The following GLCCI1 variants were observed in gnomAD, a reference collection of about 807,000 sequenced individuals.
GLCCI1 encodes the protein glucocorticoid-induced transcript 1 protein.
GLCCI1 carries 24 observed loss-of-function variants against 52.2 expected under a neutral mutation model. The ratio of observed to expected loss-of-function variants is 0.46; its 90% confidence interval spans 0.33 to 0.65. The LOEUF is 0.65. GLCCI1 is among the 30% of genes least tolerant of loss of function. The pLI, the probability that GLCCI1 is intolerant of heterozygous loss-of-function variation, is 0.02. For synonymous variants in GLCCI1, 310 were observed against 276.5 expected, an observed-to-expected ratio of 1.12 and a Z score of -1.20; for missense variants, 704 against 701.5, an observed-to-expected ratio of 1.00 and a Z score of -0.04.
Position 7,969,711 on chromosome 7 carries a change from G to A in GLCCI1, c.361G>A (p.Ala121Thr). The A allele has an allele frequency of 2.3e-6, 3 of 1,327,818 alleles. No homozygotes were observed. The highest frequency in any genetic ancestry group is 2.9e-6 in the Non-Finnish European group (3 of 1,034,226). The allele number at this position is 1,327,818 out of a possible 1,614,324, so 82.3% of individuals were successfully genotyped here. ...PPAAAAPAEQ[A>T]PRAKGRPRRS... ...GGCGGCCGCAGCCCCGGCCGAGCAG[G>A]CGCCGCGGGCCAAGGGCCGCCCGAG... The change falls in exon 1 of 8, where the codon GCG (alanine) becomes ACG (threonine). Residue 121 changes from alanine (A) to threonine (T), a missense_variant. By Grantham distance (58) the Ala-to-Thr change is moderately conservative (BLOSUM62 0). Transcript: ENST00000223145. This position sits in a 1 kb window ranked among gnomAD's most constrained non-coding sequence, Gnocchi z 4.9.
chr7:8,040,525 AACACACACACACACAC>A (rs58561376), intron 3 of GLCCI1, among the ~76,000 whole-genome samples: 4 of 145,210 alleles, frequency 2.8e-5, no homozygotes, highest in East Asian at 4.1e-4. Flanking sequence ...AGATATAATT[AACACACACACACACAC>A]ACACACACAC....
In GLCCI1 at chr7:8,067,660, G is replaced by T. The variant is rs190768208; in HGVS notation, c.967-3261G>T. Among the ~76,000 whole-genome samples the T allele has an allele frequency of 2.1e-3, 318 of 152,186 alleles. 1 individual carries two copies. Among genetic ancestry groups the T allele is most frequent in the African/African-American group, 7.3e-3 (305 of 41,528 alleles). On this transcript the variant is annotated intron_variant, in intron 5 of 7. Coordinates refer to ENST00000223145, the MANE Select transcript of GLCCI1 (RefSeq NM_138426.4). Reference sequence around the variant, plus strand: ...TAGTTTGACTAGATAGCCACTTCTCGCTTGGAATAGGCTCCAATCTCTTTT... The same window carrying T: ...TAGTTTGACTAGATAGCCACTTCTCTCTTGGAATAGGCTCCAATCTCTTTT...
At chr7:7,996,697 C>A (rs1487588198) in intron 1 of GLCCI1, among the ~76,000 whole-genome samples, 2 of 152,142 alleles carry the variant, frequency 1.3e-5, no homozygotes, top group Non-Finnish European at 2.9e-5. Context: ...TCCTGATGGA[C>A]CTCAGGTTAC....
In GLCCI1 at chr7:8,070,927, G is replaced by A; in HGVS notation, c.973G>A (p.Asp325Asn). ...AATGGTATTCCTCTTACAGCCGTTG[G>A]ACATACCAGATGGTCGAAGAGCTCC... ...NGKEEVSKPL[D>N]IPDGRRAPLP... Residue 325 changes from aspartate (D) to asparagine (N), a missense_variant, in exon 6 of 8, where the codon GAC (aspartate) becomes AAC (asparagine). Transcript: ENST00000223145. The A allele has an allele frequency of 2.5e-6, 4 of 1,613,958 alleles. No homozygotes were observed. The highest frequency in any genetic ancestry group is 3.4e-6 in the Non-Finnish European group (4 of 1,179,896).
At chr7:8,040,525 A>AACACACACACACACACACACAC (rs58561376) in intron 3 of GLCCI1, among the ~76,000 whole-genome samples, 1 of 145,324 alleles carries the variant, frequency 6.9e-6, no homozygotes, top group East Asian at 2.1e-4. Context: ...AGATATAATT[A>AACACACACACACACACACACAC]ACACACACAC....
intron 3 of GLCCI1, among the ~76,000 whole-genome samples, chr7:8,044,410 C>A (rs1442154025): frequency 6.7e-6 from 1 of 150,150 alleles, no homozygotes; most frequent in African/African-American, 2.5e-5. Context: ...TGCCCTGTCA[C>A]CAGGCTGGAG....
At chr7:8,029,868 A>G (rs1021355596) in intron 3 of GLCCI1, among the ~76,000 whole-genome samples, 2 of 152,154 alleles carry the variant, frequency 1.3e-5, no homozygotes, top group African/African-American at 4.8e-5. Context: ...TCTACAATGA[A>G]AAGTATGAAA....
At chr7:8,020,141 G>A (rs572716335) in intron 2 of GLCCI1, among the ~76,000 whole-genome samples, 2 of 152,028 alleles carry the variant, frequency 1.3e-5, no homozygotes, top group East Asian at 3.9e-4. Flanking sequence ...TTCTTATTCT[G>A]TAAGCTTTTA....
rs200403498 is a variant in GLCCI1 at position 7,985,770 on chromosome 7, T to A, written c.457+15963T>A. Among the ~76,000 whole-genome samples, 3 of 152,250 alleles carry A rather than the reference T, an allele frequency of 2.0e-5. No homozygotes were observed. The East Asian group carries it at 5.8e-4, about 29-fold the overall frequency. On this transcript the variant is annotated intron_variant, in intron 1 of 7. Transcript: ENST00000223145. ...TTAGATATAAATCCTTTCTTCTGAA[T>A]CATATAATATAGTTTTAGAATGGCA...
At chr7:7,988,748 A>G (rs887821081) in intron 1 of GLCCI1, among the ~76,000 whole-genome samples, 6 of 152,178 alleles carry the variant, frequency 3.9e-5, no homozygotes, top group Non-Finnish European at 8.8e-5. Flanking sequence ...TTAGACAAAT[A>G]GAGTTATTAA....
Position 7,996,128 on chromosome 7 carries a change from A to G in GLCCI1, c.458-7780A>G, listed in dbSNP as rs547359848. ...GTGAAATATTGTTTTCTGAGTAGGA[A>G]TATTTGTGTTCCTTTTGCTTACAAT... is the stretch of plus-strand genomic sequence containing the variant. On this transcript the variant is annotated intron_variant, in intron 1 of 7. Coordinates refer to ENST00000223145, the MANE Select transcript of GLCCI1 (RefSeq NM_138426.4). 2.6e-5 allele frequency among the ~76,000 whole-genome samples: 4 copies of G among 152,242 alleles called. No individual in the cohort carries two copies. In the South Asian group the frequency reaches 8.3e-4, roughly 32 times the overall value.
chr7:8,033,641 A>G (rs1288193516), intron 3 of GLCCI1, among the ~76,000 whole-genome samples: 3 of 152,276 alleles, frequency 2.0e-5, no homozygotes, highest in Admixed American at 2.0e-4. Context: ...ATTTATTCAC[A>G]GTTGCATCAA....
Position 8,003,807 on chromosome 7 carries a change from A to G in GLCCI1, c.458-101A>G, listed in dbSNP as rs1781093165. The stretch of plus-strand genomic sequence containing the variant: ...CTATTAGTGTAAATATATATATCAC[A>G]GGAAAAATTGACAGGATGACATTCT... On this transcript the variant is annotated intron_variant, in intron 1 of 7. Transcript: ENST00000223145. 9.8e-6 allele frequency: 10 copies of G among 1,023,146 alleles called. No homozygotes were observed. In the South Asian group the frequency reaches 1.6e-4, roughly 17 times the overall value. 63.4% of individuals were successfully genotyped at this position (1,023,146 alleles called of 1,614,324 possible). A position where few individuals can be genotyped will look rare whatever the true frequency, so the allele number is the denominator to read the frequency against.
intron 1 of GLCCI1, among the ~76,000 whole-genome samples, chr7:7,984,710 C>A (rs1193163672): frequency 1.3e-5 from 2 of 152,208 alleles, no homozygotes; most frequent in African/African-American, 4.8e-5. Flanking sequence ...TGTAATTTCT[C>A]ATTGCTGAAT....
intron 3 of GLCCI1, among the ~76,000 whole-genome samples, chr7:8,038,944 G>A (rs1406013603): frequency 6.6e-6 from 1 of 152,002 alleles, no homozygotes; most frequent in East Asian, 1.9e-4. Flanking sequence ...GTTAAAAAGT[G>A]GATAAAGGAC....
intron 3 of GLCCI1, among the ~76,000 whole-genome samples, chr7:8,050,626 GT>G (rs1241811032): frequency 1.3e-5 from 2 of 152,108 alleles, no homozygotes; most frequent in Non-Finnish European, 2.9e-5. Context: ...TTCAGTGATT[GT>G]TTTAGGGAAG....
chr7:7,990,941 A>G (rs1195860312), intron 1 of GLCCI1, among the ~76,000 whole-genome samples: 5 of 152,052 alleles, frequency 3.3e-5, no homozygotes, highest in African/African-American at 1.2e-4. Context: ...TTGGGGACAC[A>G]TTGTGGGGGT....
At chr7:7,993,273 T>G (rs1008633861) in intron 1 of GLCCI1, among the ~76,000 whole-genome samples, 1 of 152,154 alleles carries the variant, frequency 6.6e-6, no homozygotes, top group Non-Finnish European at 1.5e-5. Flanking sequence ...TCTTCTTGTT[T>G]TTGTAAAATG....
At chr7:8,033,421 A>C (rs1441419716) in intron 3 of GLCCI1, among the ~76,000 whole-genome samples, 3 of 152,136 alleles carry the variant, frequency 2.0e-5, no homozygotes, top group Non-Finnish European at 4.4e-5. Context: ...GTCAGGCAAG[A>C]AAACAAAAAG....
Sources: allele counts gnomAD v4.1 joint callset (sites outside exome capture counted in the v4.1 genomes callset), GRCh38; gene constraint gnomAD v4.1.1; non-coding constraint Gnocchi (gnomAD v3.1); transcripts MANE v1.5; gene names NCBI Gene and HGNC (gene_info 2026-07-23, HGNC 2026-07-21).